Variants in PCGF3 observed in about 807,000 individuals in gnomAD.
PCGF3 encodes polycomb group ring finger 3, also known as polycomb group RING finger protein 3.
PCGF3 carries 7 observed loss-of-function variants against 33.1 expected under a neutral mutation model. The ratio of observed to expected loss-of-function variants is 0.21; its 90% CI spans 0.12 to 0.40. PCGF3 has a LOEUF of 0.40. Ranked by LOEUF, PCGF3 falls within the 10% of genes least tolerant of loss-of-function variation. PCGF3 has a pLI of 1.00. For synonymous variants in PCGF3, 153 were observed against 121.3 expected, an observed-to-expected ratio of 1.26 and a Z score of -1.72; for missense variants, 211 against 313.3, an observed-to-expected ratio of 0.67 and a Z score of 2.46.
chr4:715,784 G>A (rs376707706), intron 1 of PCGF3, among the ~76,000 whole-genome samples: 4 of 49,456 alleles, frequency 8.1e-5, no homozygotes, highest in Non-Finnish European at 1.9e-4. Flanking sequence ...ACTGGGTGTC[G>A]GTGCTGGGAC....
exon 11 of PCGF3, chr4:766,223 C>A: frequency 1.5e-6 from 1 of 645,548 alleles, no homozygotes. Context: ...AGAGAGAATT[C>A]ACACTCAACA....
intron 8 of PCGF3, among the ~76,000 whole-genome samples, chr4:752,945 A>G (rs1020531022): frequency 7.9e-5 from 12 of 152,342 alleles, no homozygotes; most frequent in African/African-American, 2.9e-4. Flanking sequence ...TCCCTGATGA[A>G]ACTCTTCTCT....
At chr4:765,113 T>G (rs529520647) in intron 10 of PCGF3, 49 bp downstream of exon 10, 1 of 1,293,074 alleles carries the variant, frequency 7.7e-7, no homozygotes, top group East Asian at 2.3e-5. Flanking sequence ...TGGCAGTGAC[T>G]TTGCTGTGCA....
intron 1 of PCGF3, among the ~76,000 whole-genome samples, chr4:729,099 C>CAAA (rs34927260): frequency 1.5e-4 from 6 of 40,262 alleles, no homozygotes; most frequent in African/African-American, 2.4e-4. Context: ...GACTCCATCT[C>CAAA]AAAAAAAAAA....
intron 1 of PCGF3, among the ~76,000 whole-genome samples, chr4:719,041 G>T (rs767914489): frequency 2.6e-5 from 4 of 151,868 alleles, no homozygotes; most frequent in Admixed American, 2.0e-4. Context: ...TGCAACCTCT[G>T]CTATACAGGT....
At chr4:727,086 C>T (rs1348822743) in intron 1 of PCGF3, among the ~76,000 whole-genome samples, 1 of 151,860 alleles carries the variant, frequency 6.6e-6, no homozygotes, top group Non-Finnish European at 1.5e-5. Context: ...CGAGCCGCAT[C>T]TGCGTGGGGA....
At chr4:711,944 T>G (rs923365288) in intron 1 of PCGF3, among the ~76,000 whole-genome samples, 1 of 136,642 alleles carries the variant, frequency 7.3e-6, no homozygotes, top group African/African-American at 2.8e-5. Flanking sequence ...AGAGTGAGAC[T>G]CTGTCTGAAA....
At position 733,573 on chromosome 4, in the gene PCGF3, G is replaced by A. The variant is rs1246623250; in HGVS notation, c.-9-99G>A. 3 of 1,265,590 alleles carry A rather than the reference G, an allele frequency of 2.4e-6. No homozygotes were observed. The Admixed American group carries it at 6.8e-5, about 29-fold the overall frequency. 78.4% of individuals were successfully genotyped at this position (1,265,590 alleles called of 1,614,324 possible). On this transcript the variant is annotated intron_variant, in intron 3 of 10. Coordinates refer to ENST00000362003, the Ensembl canonical transcript of PCGF3. ...AGGCTCCTGCCACCCAGGCCTCAGGGCCTGCACTGTCCTCCCTGGGGGCGG... is the reference window on the plus strand; with the variant it reads ...AGGCTCCTGCCACCCAGGCCTCAGGACCTGCACTGTCCTCCCTGGGGGCGG...
chr4:756,142 T>A lies in PCGF3; in HGVS notation c.463-5137T>A, dbSNP rs1241722130. Among the ~76,000 whole-genome samples the A allele has an allele frequency of 2.0e-5, 3 of 151,936 alleles. No homozygotes were observed. In the East Asian group the frequency reaches 5.8e-4, roughly 29 times the overall value. On this transcript the variant is annotated intron_variant, in intron 8 of 10. Coordinates refer to ENST00000362003, the Ensembl canonical transcript of PCGF3. ...GTTGATCAGGCTGGTCTTGAACTCT[T>A]AACCTCAGGTGATTCACCCGCCTCA...
At chr4:726,952 G>A (rs1311590166) in intron 1 of PCGF3, among the ~76,000 whole-genome samples, 1 of 152,198 alleles carries the variant, frequency 6.6e-6, no homozygotes, top group Non-Finnish European at 1.5e-5. Flanking sequence ...GTGTGTGCCT[G>A]TGTCCTCCCA....
intron 6 of PCGF3, 68 bp downstream of exon 6, chr4:737,589 G>A (rs1051375255): frequency 7.3e-5 from 74 of 1,007,982 alleles, no homozygotes; most frequent in Non-Finnish European, 1.1e-4. Flanking sequence ...TGCTCTCCTG[G>A]AAGTTTGGTT....
At chr4:722,526 A>AC (rs370249969) in intron 1 of PCGF3, 9 of 189,312 alleles carry the variant, frequency 4.8e-5, no homozygotes, top group South Asian at 9.0e-5. Context: ...GTCCACACTC[A>AC]GTCATCGCCC....
intron 2 of PCGF3, 136 bp downstream of exon 2, chr4:730,804 G>A (rs560535225): frequency 4.4e-5 from 17 of 386,226 alleles, no homozygotes; most frequent in African/African-American, 2.9e-4. Context: ...ACAGGCTGGA[G>A]CCATGCGTGG....
intron 6 of PCGF3, 64 bp downstream of exon 6, chr4:737,585 C>A: frequency 9.5e-7 from 1 of 1,054,310 alleles, no homozygotes; most frequent in Admixed American, 1.9e-5. Flanking sequence ...CCCCTGCTCT[C>A]CTGGAAGTTT....
chr4:733,927 G>A (rs1182712524), intron 4 of PCGF3, 138 bp downstream of exon 4: 4 of 1,560,234 alleles, frequency 2.6e-6, no homozygotes, highest in African/African-American at 2.7e-5. Flanking sequence ...GGGCAGAGAC[G>A]ATCTTGAAGA....
chr4:734,889 G>C, intron 4 of PCGF3, 42 bp from the exon 5 acceptor site: 1 of 1,599,372 alleles, frequency 6.3e-7, no homozygotes, highest in Non-Finnish European at 8.5e-7. Flanking sequence ...TGGGCGCCCT[G>C]GCTCTAGACG....
chr4:720,269 C>T lies in PCGF3; in HGVS notation c.-189-10361C>T, dbSNP rs1436970403. 6.6e-6 allele frequency among the ~76,000 whole-genome samples: 1 copy of T among 152,076 alleles called. No individual in the cohort carries two copies. The highest frequency in any genetic ancestry group is 1.5e-5 in the Non-Finnish European group (1 of 67,996). On this transcript the variant is annotated intron_variant, in intron 1 of 10. Coordinates refer to ENST00000362003, the Ensembl canonical transcript of PCGF3. The surrounding 1 kb of genome is among the most constrained non-coding windows in gnomAD (Gnocchi z 5.6). ...CCGCGGGAGGAGCGCCCGTGCATCG[C>T]TGCAGAGGGTGACTGCGGGAGGAGT...
At chr4:741,061 C>T (rs1458941651) in intron 6 of PCGF3, among the ~76,000 whole-genome samples, 1 of 152,222 alleles carries the variant, frequency 6.6e-6, no homozygotes, top group Non-Finnish European at 1.5e-5. Context: ...AAAGCACCGA[C>T]TTTCTCATCC....
At chr4:709,877 C>T (rs1159146215) in intron 1 of PCGF3, among the ~76,000 whole-genome samples, 1 of 152,230 alleles carries the variant, frequency 6.6e-6, no homozygotes, top group Non-Finnish European at 1.5e-5. Flanking sequence ...GTGTAACCGC[C>T]AGGGACCTTT....
Sources: allele counts gnomAD v4.1 joint callset (sites outside exome capture counted in the v4.1 genomes callset), GRCh38; gene constraint gnomAD v4.1.1; non-coding constraint Gnocchi (gnomAD v3.1); transcripts MANE v1.5; gene names NCBI Gene and HGNC (gene_info 2026-07-23, HGNC 2026-07-21).